Variants in SSX2IP observed in about 807,000 individuals in gnomAD.
SSX2IP encodes the protein afadin- and alpha-actinin-binding protein.
A neutral mutation model predicts 84.9 loss-of-function variants in SSX2IP; 55 were observed. The observed-to-expected ratio is 0.65, with a 90% CI of 0.52 to 0.81. The LOEUF (loss-of-function observed/expected upper bound fraction) is 0.81. Ranked by LOEUF, SSX2IP falls within the 30% of genes least tolerant of loss-of-function variation. SSX2IP has a pLI of 0.00. For synonymous variants in SSX2IP, 239 were observed against 234.7 expected, an observed-to-expected ratio of 1.02 and a Z score of -0.17; for missense variants, 664 against 705.2, an observed-to-expected ratio of 0.94 and a Z score of 0.66.
intron 13 of SSX2IP, among the ~76,000 whole-genome samples, chr1:84,648,044 A>G (rs955743032): frequency 8.5e-5 from 13 of 152,164 alleles, no homozygotes; most frequent in African/African-American, 3.1e-4. Flanking sequence ...TAACTTACGC[A>G]CAAGTCTCCT....
At chr1:84,648,851 A>C (rs2102133822) in intron 13 of SSX2IP, among the ~76,000 whole-genome samples, 1 of 152,312 alleles carries the variant, frequency 6.6e-6, no homozygotes, top group East Asian at 1.9e-4. Context: ...TCTAACTTCA[A>C]AATAGATCCC....
At chr1:84,676,224 T>C (rs771618304) in intron 1 of SSX2IP, among the ~76,000 whole-genome samples, 2 of 152,186 alleles carry the variant, frequency 1.3e-5, no homozygotes, top group Non-Finnish European at 2.9e-5. Context: ...CTGAAATACA[T>C]CAAAGCAAAA....
chr1:84,672,013 G>A (rs756005991), intron 1 of SSX2IP, among the ~76,000 whole-genome samples: 5 of 152,086 alleles, frequency 3.3e-5, no homozygotes, highest in Non-Finnish European at 7.4e-5. Context: ...GCATTTAAAC[G>A]TAACTGTGTG....
At chr1:84,655,060 T>A (rs1650877595) in intron 11 of SSX2IP, among the ~76,000 whole-genome samples, 1 of 151,762 alleles carries the variant, frequency 6.6e-6, no homozygotes. Flanking sequence ...TATGAAGACA[T>A]GAGATGTGAA....
chr1:84,688,766 C>T (rs762945044), intron 1 of SSX2IP, among the ~76,000 whole-genome samples: 27 of 152,218 alleles, frequency 1.8e-4, no homozygotes, highest in Non-Finnish European at 3.2e-4. Context: ...GAGATCTCCA[C>T]ATTTCATCCT....
chr1:84,679,995 A>G (rs1338444254), intron 1 of SSX2IP, among the ~76,000 whole-genome samples: 1 of 152,212 alleles, frequency 6.6e-6, no homozygotes, highest in Non-Finnish European at 1.5e-5. Flanking sequence ...GGGCTCAGGA[A>G]GCAGCATCTC....
chr1:84,664,309 G>T, intron 6 of SSX2IP, 108 bp downstream of exon 6: 1 of 1,135,680 alleles, frequency 8.8e-7, no homozygotes, highest in Non-Finnish European at 1.2e-6. Flanking sequence ...ATTGTATAAA[G>T]CATGAAAATA....
rs1257123685 is a variant in SSX2IP at position 84,647,590 on chromosome 1, T to G, written c.1688A>C (p.Asn563Thr). ...TGGTTTAATTTCTTCAGCAGTTATATTCAGTACATTGATTGAACTGTTGGG... is the reference window on the plus strand; with the variant it reads ...TGGTTTAATTTCTTCAGCAGTTATAGTCAGTACATTGATTGAACTGTTGGG... ...ISEHSSINVL[N>T]ITAEEIKPNQ... The change falls in exon 14 of 14, where the codon AAT becomes ACT. Residue 563 changes from asparagine to threonine, a missense_variant. By Grantham distance (65) the Asn-to-Thr change is moderately conservative. Coordinates refer to ENST00000342203, the MANE Select transcript of SSX2IP (RefSeq NM_001166293.2). 1 of 1,603,994 alleles carries G rather than the reference T, an allele frequency of 6.2e-7. No homozygotes were observed. The highest frequency in any genetic ancestry group is 8.5e-7 in the Non-Finnish European group (1 of 1,174,612).
At chr1:84,679,870 G>T (rs183503801) in intron 1 of SSX2IP, among the ~76,000 whole-genome samples, 50 of 152,218 alleles carry the variant, frequency 3.3e-4, no homozygotes, top group Non-Finnish European at 6.5e-4. Flanking sequence ...TAGGTAATTT[G>T]CCCAAGGTCA....
chr1:84,650,588 A>T, intron 12 of SSX2IP, 61 bp from the exon 13 acceptor site: 5 of 1,565,300 alleles, frequency 3.2e-6, no homozygotes, highest in Non-Finnish European at 4.4e-6. Flanking sequence ...AATATAGTGA[A>T]GGTAAATCAT....
At chr1:84,650,710 C>CT (rs11349588) in intron 12 of SSX2IP, among the ~76,000 whole-genome samples, 183 bp from the exon 13 acceptor site, 10 of 147,392 alleles carry the variant, frequency 6.8e-5, no homozygotes, top group South Asian at 2.2e-4. Flanking sequence ...TTAAAAGGAT[C>CT]TTTTTTTTTT....
At chr1:84,662,098 CA>C in intron 8 of SSX2IP, 99 bp downstream of exon 8, 1 of 764,620 alleles carries the variant, frequency 1.3e-6, no homozygotes, top group East Asian at 2.6e-5. Flanking sequence ...GTGTCCTATT[CA>C]AAATACCAAT....
chr1:84,680,652 GA>G (rs545300434), intron 1 of SSX2IP, among the ~76,000 whole-genome samples: 1 of 148,132 alleles, frequency 6.8e-6, no homozygotes, highest in Non-Finnish European at 1.5e-5. Flanking sequence ...TAGTCCTCAG[GA>G]AAAAAAAACA....
intron 1 of SSX2IP, among the ~76,000 whole-genome samples, chr1:84,683,101 C>CCTA (rs996035511): frequency 3.3e-5 from 5 of 151,828 alleles, no homozygotes; most frequent in Admixed American, 1.3e-4. Flanking sequence ...AACATTACAC[C>CCTA]CTACTATCTT....
chr1:84,670,543 C>T (rs1351180739), intron 3 of SSX2IP, 103 bp downstream of exon 3: 5 of 798,632 alleles, frequency 6.3e-6, no homozygotes, highest in Non-Finnish European at 9.3e-6. Flanking sequence ...AGGGGCACTA[C>T]ATAAACAACA....
chr1:84,670,783 T>G lies in SSX2IP; in HGVS notation c.76A>C (p.Thr26Pro). 1 of 1,612,710 alleles carries G rather than the reference T, an allele frequency of 6.2e-7. No homozygotes were observed. The change falls in exon 3 of 14, where the codon ACA becomes CCA. Residue 26 changes from threonine to proline, a missense_variant. Transcript: ENST00000342203. ...SKTISQYTSETKMSPSSLYSQ... is the reference protein window; with the variant it reads ...SKTISQYTSEPKMSPSSLYSQ... ...TATAAACTTGATGGAGACATCTTTG[T>G]TTCTGAGGTATATTGAGAGATAGTT...
intron 1 of SSX2IP, among the ~76,000 whole-genome samples, chr1:84,681,929 G>A (rs953096591): frequency 1.3e-5 from 2 of 152,182 alleles, no homozygotes; most frequent in African/African-American, 4.8e-5. Flanking sequence ...AAGCCATGGA[G>A]TACTGGCAGA....
chr1:84,684,624 G>A (rs999404074), intron 1 of SSX2IP, among the ~76,000 whole-genome samples: 3 of 152,000 alleles, frequency 2.0e-5, no homozygotes, highest in Admixed American at 6.6e-5. Flanking sequence ...AAACCCAATC[G>A]AAACTCTTGC....
intron 1 of SSX2IP, chr1:84,680,252 T>C (rs916855826): frequency 1.8e-4 from 28 of 152,132 alleles, no homozygotes; most frequent in African/African-American, 6.8e-4. Flanking sequence ...GAACTGATCA[T>C]TGCTGCAGTA....
Sources: allele counts gnomAD v4.1 joint callset (sites outside exome capture counted in the v4.1 genomes callset), GRCh38; gene constraint gnomAD v4.1.1; transcripts MANE v1.5; gene names NCBI Gene and HGNC (gene_info 2026-07-23, HGNC 2026-07-21).